TRIP12: variants seen among roughly 807,000 people sequenced by gnomAD.
TRIP12 encodes E3 ubiquitin-protein ligase TRIP12.
TRIP12 carries 25 observed loss-of-function variants against 244.2 expected under a neutral mutation model. That is an observed-to-expected ratio of 0.10 (90% CI 0.07 to 0.14). The LOEUF is 0.14. Ranked by LOEUF, TRIP12 falls within the 10% of genes least tolerant of loss-of-function variation. The pLI is 1.00. For synonymous variants in TRIP12, 905 were observed against 873.1 expected, an observed-to-expected ratio of 1.04 and a Z score of -0.64; for missense variants, 1,677 against 2,486.4, an observed-to-expected ratio of 0.67 and a Z score of 6.92.
At chr2:229,797,090 G>A (rs184273033) in intron 24 of TRIP12, among the ~76,000 whole-genome samples, 181 of 152,040 alleles carry the variant, frequency 1.2e-3, no homozygotes, top group Admixed American at 4.4e-3. Flanking sequence ...GAAGAATAAG[G>A]GGCTATAACA....
intron 24 of TRIP12, among the ~76,000 whole-genome samples, chr2:229,797,228 AAAAT>A (rs535577323): frequency 2.6e-5 from 4 of 152,110 alleles, no homozygotes; most frequent in South Asian, 4.1e-4. Flanking sequence ...CAAAAACATC[AAAAT>A]AAATAAATAA....
intron 2 of TRIP12, among the ~76,000 whole-genome samples, chr2:229,873,005 G>A (rs1411604013): frequency 6.6e-6 from 1 of 152,148 alleles, no homozygotes; most frequent in Admixed American, 6.5e-5. Context: ...GGTACAAAGG[G>A]AGATTAATAA....
At position 229,778,699 on chromosome 2, in the gene TRIP12, CACTGAATGAAGTCCTCTAGA is replaced by C; in HGVS notation, c.5210-132_5210-113del. The C allele has an allele frequency of 3.4e-6, 5 of 1,463,506 alleles. No homozygotes were observed. Among genetic ancestry groups the C allele is most frequent in the Non-Finnish European group, 3.7e-6 (4 of 1,080,996 alleles). 90.7% of individuals were successfully genotyped at this position (1,463,506 alleles called of 1,614,324 possible). ...GCATTCTCAAAATTGGAGTGCAGAT[CACTGAATGAAGTCCTCTAGA>C]ACTGGACAGGCCTTCCCTATTTGAT... On this transcript the variant is annotated intron_variant, in intron 35 of 41. Transcript: ENST00000675903. The surrounding 1 kb of genome is among the most constrained non-coding windows in gnomAD (Gnocchi z 4.1).
In TRIP12 at chr2:229,859,355, C is replaced by T. The variant is rs754874141; in HGVS notation, c.444G>A (p.Lys148=). The change falls in exon 4 of 42, where the codon AAG becomes AAA. Residue 148 remains lysine (K), a synonymous_variant. Transcript: ENST00000675903. Reference sequence around the variant, plus strand: ...GTCTCTTCTTTGACTTACTATGTGGCTTATTTGTTTCTGAGGGAGATTCAG... The same window carrying T: ...GTCTCTTCTTTGACTTACTATGTGGTTTATTTGTTTCTGAGGGAGATTCAG... ...QHTESPSETN[K]PHSKSKKRHL... 6 of 1,614,114 alleles carry T rather than the reference C, an allele frequency of 3.7e-6. No individual in the cohort carries two copies. The highest frequency in any genetic ancestry group is 4.2e-6 in the Non-Finnish European group (5 of 1,180,024).
intron 6 of TRIP12, chr2:229,831,265 C>T (rs1340422669): frequency 9.5e-6 from 6 of 629,838 alleles, no homozygotes; most frequent in African/African-American, 1.8e-5. Context: ...TGTATGTAGA[C>T]GTCTGCCTTC....
At chr2:229,777,761 T>C (rs1003505693) in intron 36 of TRIP12, among the ~76,000 whole-genome samples, 1 of 152,242 alleles carries the variant, frequency 6.6e-6, no homozygotes, top group Admixed American at 6.5e-5. Flanking sequence ...TAAATGGAAC[T>C]TCTAAAATAA....
intron 21 of TRIP12, 152 bp downstream of exon 21, chr2:229,802,100 T>C: frequency 1.9e-6 from 1 of 518,400 alleles, no homozygotes; most frequent in Non-Finnish European, 3.1e-6. Flanking sequence ...TTCCAATAAA[T>C]GTTTTCTTCC....
intron 1 of TRIP12, among the ~76,000 whole-genome samples, chr2:229,915,503 CTTATT>C (rs1310884749): frequency 1.3e-5 from 2 of 151,978 alleles, no homozygotes; most frequent in Non-Finnish European, 2.9e-5. Flanking sequence ...CTTACAGTAT[CTTATT>C]TTATTTTCAC....
Position 229,818,523 on chromosome 2 carries a change from A to T in TRIP12, c.1451-11T>A, listed in dbSNP as rs748318817. On this transcript the variant is annotated splice_polypyrimidine_tract_variant and intron_variant, in intron 8 of 41. Transcript: ENST00000675903. ...GCTGGGCCTTAGAACCTTTAGAGAAAAAAATAATTATTATCTTTAAACATT... is the reference window on the plus strand; with the variant it reads ...GCTGGGCCTTAGAACCTTTAGAGAATAAAATAATTATTATCTTTAAACATT... 1.2e-6 allele frequency: 2 copies of T among 1,609,394 alleles called. No individual in the cohort carries two copies. Among genetic ancestry groups the T allele is most frequent in the Non-Finnish European group, 1.7e-6 (2 of 1,178,180 alleles).
At chr2:229,839,985 G>A (rs923037828) in intron 5 of TRIP12, among the ~76,000 whole-genome samples, 1 of 152,174 alleles carries the variant, frequency 6.6e-6, no homozygotes, top group African/African-American at 2.4e-5. Flanking sequence ...AGCGAAAGGT[G>A]TTATAAAAAT....
At chr2:229,838,408 T>C (rs890902241) in intron 5 of TRIP12, among the ~76,000 whole-genome samples, 1 of 152,186 alleles carries the variant, frequency 6.6e-6, no homozygotes, top group African/African-American at 2.4e-5. Flanking sequence ...AGGCACTGTA[T>C]ATAAGCAGAA....
At position 229,796,565 on chromosome 2, in the gene TRIP12, T is replaced by C. The variant is rs138965943; in HGVS notation, c.3816+26A>G. On this transcript the variant is annotated intron_variant, in intron 25 of 41. Transcript: ENST00000675903. Reference sequence around the variant, plus strand: ...TTAGTGAGCACTGATTCTTAAAAGATACACAGGCATTATTAGATAACTTAC... The same window carrying C: ...TTAGTGAGCACTGATTCTTAAAAGACACACAGGCATTATTAGATAACTTAC... The C allele has an allele frequency of 2.8e-4, 429 of 1,537,404 alleles. No individual in the cohort carries two copies. In the African/African-American group the frequency reaches 5.2e-3, roughly 19 times the overall value.
In TRIP12 at chr2:229,767,624, C is replaced by T; in HGVS notation, c.6134G>A (p.Ser2045Asn). The change falls in exon 42 of 42, where the codon AGC becomes AAC. Residue 2045 changes from serine (S) to asparagine (N), a missense_variant. Physicochemically the swap from Ser to Asn is conservative, Grantham distance 46. This residue lies in a region of TRIP12 where 171 missense variants were observed against 388.4 expected (regional missense o/e 0.44). Coordinates refer to ENST00000675903, the MANE Select transcript of TRIP12 (RefSeq NM_001348323.3). ...VNYLKLPDYS[S>N]IEIMREKLLI... The stretch of plus-strand genomic sequence containing the variant: ...CAGTTTTTCACGCATTATCTCAATG[C>T]TTGAATAGTCCGGCAACTTAAGATA... 1 of 1,614,174 alleles carries T rather than the reference C, an allele frequency of 6.2e-7. No individual in the cohort carries two copies. Among genetic ancestry groups the T allele is most frequent in the East Asian group, 2.2e-5 (1 of 44,882 alleles).
At chr2:229,842,354 A>G (rs2056625728) in intron 4 of TRIP12, among the ~76,000 whole-genome samples, 1 of 152,236 alleles carries the variant, frequency 6.6e-6, no homozygotes, top group African/African-American at 2.4e-5. Context: ...CACCTAAGAG[A>G]CAGGGCATGG....
chr2:229,820,491 G>GTACC (rs1280445795), intron 8 of TRIP12, among the ~76,000 whole-genome samples: 33 of 151,954 alleles, frequency 2.2e-4, no homozygotes, highest in Non-Finnish European at 1.0e-4. Context: ...AACTACTGAG[G>GTACC]TACCACAAAG....
At chr2:229,792,122 C>G in intron 28 of TRIP12, 31 bp downstream of exon 28, 1 of 1,613,950 alleles carries the variant, frequency 6.2e-7, no homozygotes, top group Non-Finnish European at 8.5e-7. Context: ...TTATATAGTA[C>G]ATTATACATG....
At chr2:229,843,693 A>G (rs962055936) in intron 4 of TRIP12, among the ~76,000 whole-genome samples, 1 of 152,210 alleles carries the variant, frequency 6.6e-6, no homozygotes, top group Non-Finnish European at 1.5e-5. Context: ...AGCATCAACA[A>G]CACTGTAAGA....
intron 1 of TRIP12, among the ~76,000 whole-genome samples, chr2:229,893,227 A>C (rs2067833270): frequency 6.6e-6 from 1 of 152,128 alleles, no homozygotes; most frequent in Admixed American, 6.5e-5. Flanking sequence ...CTATTTTTTG[A>C]TGTATTTCAA....
Position 229,848,606 on chromosome 2 carries a change from T to C in TRIP12, c.1028-7679A>G, listed in dbSNP as rs16826407. On this transcript the variant is annotated intron_variant, in intron 4 of 41. Coordinates refer to ENST00000675903, the MANE Select transcript of TRIP12 (RefSeq NM_001348323.3). ...ACCATTTAAGAGGACAAGCACTCAATAGAAAATCAAGAAAGAGAAAACAAA... is the reference window on the plus strand; with the variant it reads ...ACCATTTAAGAGGACAAGCACTCAACAGAAAATCAAGAAAGAGAAAACAAA... Among the ~76,000 whole-genome samples the C allele has an allele frequency of 9.8e-3, 1,493 of 152,112 alleles. 33 individuals carry two copies. The highest frequency in any genetic ancestry group is 0.034 in the African/African-American group (1,405 of 41,492).
Sources: allele counts gnomAD v4.1 joint callset (sites outside exome capture counted in the v4.1 genomes callset), GRCh38; gene constraint gnomAD v4.1.1; regional missense constraint gnomAD v4.1.1; non-coding constraint Gnocchi (gnomAD v3.1); transcripts MANE v1.5; gene names NCBI Gene and HGNC (gene_info 2026-07-23, HGNC 2026-07-21).